The following SNX4 variants were observed in gnomAD, a reference collection of about 807,000 sequenced individuals.
SNX4 encodes sorting nexin 4, also known as sorting nexin-4.
SNX4 carries 49 observed loss-of-function variants against 70.8 expected under a neutral mutation model. The ratio of observed to expected loss-of-function variants is 0.69; its 90% CI spans 0.55 to 0.88. The LOEUF (loss-of-function observed/expected upper bound fraction) is 0.88, where lower values mean the gene tolerates loss of function less well. SNX4 is among the 40% of genes least tolerant of loss of function. The pLI is 0.00. For synonymous variants in SNX4, 206 were observed against 183.8 expected (o/e 1.12, Z -0.98); for missense variants, 528 against 544.8 (o/e 0.97, Z 0.31).
Position 125,447,767 on chromosome 3 carries a change from C to A in SNX4, c.*12G>T. On this transcript the variant is annotated 3_prime_UTR_variant, in exon 14 of 14. Transcript: ENST00000251775. ...GGGGCACTTTGATTGAAGAGAAATT[C>A]AATTCACAGGATTACATCTTGCTAA... The A allele has an allele frequency of 6.3e-7, 1 of 1,582,234 alleles. No homozygotes were observed. The highest frequency in any genetic ancestry group is 8.6e-7 in the Non-Finnish European group (1 of 1,165,216).
chr3:125,490,198 T>A (rs1180211370), intron 5 of SNX4, among the ~76,000 whole-genome samples: 3 of 151,794 alleles, frequency 2.0e-5, no homozygotes, highest in African/African-American at 7.3e-5. Flanking sequence ...ACATTGGTTT[T>A]TCTCATTTTC....
chr3:125,462,837 C>T lies in SNX4; in HGVS notation c.855-1977G>A, dbSNP rs561860984. Among the ~76,000 whole-genome samples, 3 of 152,190 alleles carry T rather than the reference C, an allele frequency of 2.0e-5. No individual in the cohort carries two copies. The East Asian group carries it at 5.8e-4, about 29-fold the overall frequency. ...TAGCCCAGGAGGGTTATCAGCTTCG[C>T]CCAGGAAAGAATTCAAGGGTGAGCC... On this transcript the variant is annotated intron_variant, in intron 9 of 13. Coordinates refer to ENST00000251775, the MANE Select transcript of SNX4 (RefSeq NM_003794.4).
rs1463864592 is a variant in SNX4, at chr3:125,504,703, A to T, written c.183T>A (p.Ser61Arg). Residue 61 changes from serine (S) to arginine (R), a missense_variant, in exon 2 of 14, where the codon AGT (serine) becomes AGA (arginine). Physicochemically the swap from Ser to Arg is moderately radical, Grantham distance 110. Transcript: ENST00000251775. ...CAGTTCGTTTTTCTGCTTCTGAAACACTGATTTCTATCTTCTTCAACCAAA... is the reference window on the plus strand; with the variant it reads ...CAGTTCGTTTTTCTGCTTCTGAAACTCTGATTTCTATCTTCTTCAACCAAA... ...NNFWLKKIEI[S>R]VSEAEKRTGR... The T allele has an allele frequency of 6.2e-7, 1 of 1,613,954 alleles. No individual in the cohort carries two copies. Among genetic ancestry groups the T allele is most frequent in the East Asian group, 2.2e-5 (1 of 44,864 alleles).
At chr3:125,510,473 C>T (rs1002026570) in intron 1 of SNX4, among the ~76,000 whole-genome samples, 1 of 152,128 alleles carries the variant, frequency 6.6e-6, no homozygotes, top group Non-Finnish European at 1.5e-5. Context: ...TTGTGATCCA[C>T]CCGCCTCAGC....
At chr3:125,470,455 T>C (rs1024309489) in intron 8 of SNX4, among the ~76,000 whole-genome samples, 13 of 150,770 alleles carry the variant, frequency 8.6e-5, no homozygotes, top group African/African-American at 3.2e-4. Context: ...ACTCTTAGTA[T>C]AGATGAAAAC....
intron 13 of SNX4, chr3:125,449,055 T>C (rs1933505662): frequency 6.6e-6 from 1 of 152,186 alleles, no homozygotes; most frequent in South Asian, 2.1e-4. Context: ...AAGGAACTTT[T>C]TAATACTTAA....
At chr3:125,517,495 G>A (rs1935307637) in intron 1 of SNX4, among the ~76,000 whole-genome samples, 2 of 152,204 alleles carry the variant, frequency 1.3e-5, no homozygotes, top group South Asian at 4.1e-4. Context: ...AGAGTATGGA[G>A]AGAAGTGAAG....
chr3:125,472,146 T>C (rs552647276), intron 8 of SNX4, among the ~76,000 whole-genome samples: 1 of 152,242 alleles, frequency 6.6e-6, no homozygotes, highest in African/African-American at 2.4e-5. Flanking sequence ...CAACCTCCAA[T>C]TGCCATAATT....
intron 10 of SNX4, among the ~76,000 whole-genome samples, chr3:125,460,198 C>CAAA (rs57601494): frequency 4.6e-5 from 3 of 64,686 alleles, no homozygotes; most frequent in African/African-American, 4.8e-5. Flanking sequence ...TAGTCTGTCT[C>CAAA]AAAAAAAAAA....
At chr3:125,450,272 C>T (rs1287686965) in intron 13 of SNX4, among the ~76,000 whole-genome samples, 15 of 152,192 alleles carry the variant, frequency 9.9e-5, no homozygotes, top group Non-Finnish European at 2.1e-4. Context: ...CAAAGATCCA[C>T]GGTATACAGT....
At position 125,520,133 on chromosome 3, in the gene SNX4, G is replaced by T. The variant is rs746009866; in HGVS notation, c.40C>A (p.Pro14Thr). ...APPDPERQLQ[P>T]APLEPLGSPD... The stretch of plus-strand genomic sequence containing the variant: ...GAGCCCAGCGGCTCCAAGGGCGCCG[G>T]CTGGAGCTGCCGCTCGGGGTCCGGA... The change falls in exon 1 of 14, where the codon CCG becomes ACG. Residue 14 changes from proline to threonine, a missense_variant. Pro to Thr is a conservative substitution (Grantham distance 38). Coordinates refer to ENST00000251775, the MANE Select transcript of SNX4 (RefSeq NM_003794.4). 1.4e-6 allele frequency: 2 copies of T among 1,461,646 alleles called. No homozygotes were observed. Among genetic ancestry groups the T allele is most frequent in the Non-Finnish European group, 1.8e-6 (2 of 1,112,802 alleles). 90.5% of individuals were successfully genotyped at this position (1,461,646 alleles called of 1,614,324 possible).
intron 9 of SNX4, among the ~76,000 whole-genome samples, chr3:125,465,404 C>T (rs962504432): frequency 6.6e-6 from 1 of 151,758 alleles, no homozygotes; most frequent in Non-Finnish European, 1.5e-5. Context: ...TGCCACCACA[C>T]CTGGCTAATT....
At chr3:125,470,382 T>C (rs991237716) in intron 8 of SNX4, among the ~76,000 whole-genome samples, 2 of 152,010 alleles carry the variant, frequency 1.3e-5, no homozygotes, top group African/African-American at 4.8e-5. Context: ...TTTTCTGCTA[T>C]TTAAAGAATG....
At chr3:125,519,058 G>A (rs1288892767) in intron 1 of SNX4, among the ~76,000 whole-genome samples, 1 of 152,046 alleles carries the variant, frequency 6.6e-6, no homozygotes, top group Non-Finnish European at 1.5e-5. Context: ...GTGCGTGGTG[G>A]TGTGTGCCTG....
chr3:125,484,780 C>T (rs939228880), intron 6 of SNX4, among the ~76,000 whole-genome samples: 2 of 152,060 alleles, frequency 1.3e-5, no homozygotes, highest in African/African-American at 4.8e-5. Context: ...TCACTTGAGA[C>T]CAGCCTGAGC....
At chr3:125,506,834 A>G (rs1439753813) in intron 1 of SNX4, among the ~76,000 whole-genome samples, 169 of 135,898 alleles carry the variant, frequency 1.2e-3, no homozygotes, top group African/African-American at 4.8e-3. Flanking sequence ...AAAAAAAAAA[A>G]AAAAAAAAAA....
intron 1 of SNX4, among the ~76,000 whole-genome samples, chr3:125,516,020 T>C (rs542481771): frequency 6.6e-6 from 1 of 152,344 alleles, no homozygotes; most frequent in African/African-American, 2.4e-5. Flanking sequence ...GACAATCTGG[T>C]CTACTCCATT....
rs1431481062 is a variant in SNX4 at position 125,461,024 on chromosome 3, G to C, written c.855-164C>G. On this transcript the variant is annotated intron_variant, in intron 9 of 13. Transcript: ENST00000251775. ...GCAGATCACTTGAGGTCAGGAGTTC[G>C]AGACCAGCCTGGCCAACGTGGTGAA... Among the ~76,000 whole-genome samples the C allele has an allele frequency of 2.0e-5, 3 of 152,140 alleles. No homozygotes were observed. The East Asian group carries it at 5.8e-4, about 29-fold the overall frequency.
In SNX4 at chr3:125,466,094, T is replaced by G. The variant is rs1017398876; in HGVS notation, c.854+3360A>C. Among the ~76,000 whole-genome samples the G allele has an allele frequency of 2.0e-5, 3 of 151,750 alleles. No homozygotes were observed. In the South Asian group the frequency reaches 6.2e-4, roughly 31 times the overall value. Reference sequence around the variant, plus strand: ...TTTCACTGTAGAGGTCTTTCATATCTTTCATTAAATTAATACCTAAGTTTT... The same window carrying G: ...TTTCACTGTAGAGGTCTTTCATATCGTTCATTAAATTAATACCTAAGTTTT... On this transcript the variant is annotated intron_variant, in intron 9 of 13. Coordinates refer to ENST00000251775, the MANE Select transcript of SNX4 (RefSeq NM_003794.4).
Sources: gnomAD v4.1 joint callset for allele counts (sites outside exome capture counted in the v4.1 genomes callset) on GRCh38, gnomAD v4.1.1 for gene constraint, MANE v1.5 for transcripts, NCBI Gene and HGNC (gene_info 2026-07-23, HGNC 2026-07-21) for gene names.